Variants in LRFN5 observed in about 807,000 individuals in gnomAD.
LRFN5 encodes leucine rich repeat and fibronectin type III domain containing 5.
Under a neutral mutation model 45.6 loss-of-function variants are expected in LRFN5, and 24 were observed. That is an observed-to-expected ratio of 0.53 (90% CI 0.38 to 0.74). LRFN5 has a LOEUF of 0.74. Ranked by LOEUF, LRFN5 falls within the 30% of genes least tolerant of loss-of-function variation. LRFN5 has a pLI of 0.00. For missense variants in LRFN5, 776 were observed against 861.5 expected (o/e 0.90, Z 1.24); for synonymous variants, 340 against 313.8 (o/e 1.08, Z -0.88).
intron 2 of LRFN5, among the ~76,000 whole-genome samples, chr14:41,769,094 A>G (rs1885989474): frequency 6.6e-6 from 1 of 151,754 alleles, no homozygotes; most frequent in South Asian, 2.1e-4. Context: ...AAAAAAAAAC[A>G]GAAAGTAAAC....
intron 2 of LRFN5, among the ~76,000 whole-genome samples, chr14:41,829,002 T>A (rs1218868123): frequency 6.6e-6 from 1 of 151,968 alleles, no homozygotes; most frequent in East Asian, 1.9e-4. Flanking sequence ...TCATTTATCC[T>A]TCTCCCACAT....
chr14:41,750,267 TTATATATATATATATA>T (rs60275061), intron 1 of LRFN5, among the ~76,000 whole-genome samples: 60 of 144,364 alleles, frequency 4.2e-4, no homozygotes, highest in Admixed American at 3.2e-3. Flanking sequence ...GTAACTTTTC[TTATATATATATATATA>T]TATATATATA....
At chr14:41,704,207 G>A (rs73297723) in intron 1 of LRFN5, among the ~76,000 whole-genome samples, 286 of 152,160 alleles carry the variant, frequency 1.9e-3, no homozygotes, top group African/African-American at 6.6e-3. Flanking sequence ...TCTCTAATAT[G>A]GAGGCCATCT....
rs373257380 is a variant in LRFN5, at chr14:41,777,868, T to A, written c.-21+10839T>A. 2.2e-4 allele frequency among the ~76,000 whole-genome samples: 34 copies of A among 151,880 alleles called. No individual in the cohort carries two copies. The East Asian group carries it at 5.8e-3, about 26-fold the overall frequency. ...ATGCTATTGCAGTAATCTGTTTTAA[T>A]TTTTAATGGGTAATGGTGTTTAAAC... On this transcript the variant is annotated intron_variant, in intron 2 of 5. Transcript: ENST00000298119.
intron 1 of LRFN5, among the ~76,000 whole-genome samples, chr14:41,744,940 T>C (rs1213235144): frequency 6.6e-6 from 1 of 152,016 alleles, no homozygotes; most frequent in African/African-American, 2.4e-5. Flanking sequence ...TACACAATAG[T>C]TGGATACTTC....
chr14:41,772,149 C>G (rs1370935690), intron 2 of LRFN5, among the ~76,000 whole-genome samples: 1 of 152,020 alleles, frequency 6.6e-6, no homozygotes, highest in Non-Finnish European at 1.5e-5. Flanking sequence ...TTCAAACAAC[C>G]AGATCTTGCA....
intron 1 of LRFN5, among the ~76,000 whole-genome samples, chr14:41,686,927 TG>T (rs1882149183): frequency 6.6e-6 from 1 of 152,198 alleles, no homozygotes; most frequent in African/African-American, 2.4e-5. Context: ...TTTCTTTTTT[TG>T]TTGTGTCTCT....
intron 2 of LRFN5, among the ~76,000 whole-genome samples, chr14:41,793,967 A>T (rs1231659179): frequency 2.0e-5 from 3 of 152,092 alleles, no homozygotes; most frequent in Non-Finnish European, 4.4e-5. Context: ...TGCAGAAACA[A>T]GGGAGTTATT....
chr14:41,781,608 GAAAGAAAGAGAAAGAA>G lies in LRFN5; in HGVS notation c.-21+14581_-21+14596del, dbSNP rs1299517501. Among the ~76,000 whole-genome samples, 186 of 83,580 alleles carry G rather than the reference GAAAGAAAGAGAAAGAA, an allele frequency of 2.2e-3. 2 individuals carry two copies. Among genetic ancestry groups the G allele is most frequent in the African/African-American group, 0.01 (172 of 16,944 alleles). 54.8% of individuals were successfully genotyped at this position (83,580 alleles called of 152,430 possible). On this transcript the variant is annotated intron_variant, in intron 2 of 5. Coordinates refer to ENST00000298119, the MANE Select transcript of LRFN5 (RefSeq NM_152447.5). ...AGAAAGAAAGAAAGAAAGAAAGAAAGAAAGAAAGAGAAAGAAAGAAAGAAAGGAAAGAAAGAAAGAG... is the reference window on the plus strand; with the variant it reads ...AGAAAGAAAGAAAGAAAGAAAGAAAGAGAAAGAAAGGAAAGAAAGAAAGAG...
At chr14:41,714,908 A>T (rs917256504) in intron 1 of LRFN5, among the ~76,000 whole-genome samples, 83 of 147,034 alleles carry the variant, frequency 5.6e-4, no homozygotes, top group African/African-American at 7.3e-4. Context: ...CTATTTTTTT[A>T]AAAAAAAGTG....
chr14:41,654,934 G>C (rs1880307278), intron 1 of LRFN5, among the ~76,000 whole-genome samples: 1 of 152,040 alleles, frequency 6.6e-6, no homozygotes, highest in African/African-American at 2.4e-5. Flanking sequence ...ACATGGCACA[G>C]GTTTTCTTCA....
chr14:41,752,847 A>T (rs1472348280), intron 1 of LRFN5, among the ~76,000 whole-genome samples: 2 of 152,174 alleles, frequency 1.3e-5, no homozygotes, highest in Admixed American at 6.5e-5. Context: ...GCCCATGCCT[A>T]TGTCCTGAAT....
rs533409854 is a variant in LRFN5, at chr14:41,840,824, G to A, written c.-20-45782G>A. 4.6e-5 allele frequency among the ~76,000 whole-genome samples: 7 copies of A among 151,798 alleles called. No individual in the cohort carries two copies. The South Asian group carries it at 1.0e-3, about 23-fold the overall frequency. On this transcript the variant is annotated intron_variant, in intron 2 of 5. Transcript: ENST00000298119. ...TTGATATTAAATGATTTAATAATGT[G>A]GTATCTATTTGTTGTATAAACCTGA...
intron 2 of LRFN5, among the ~76,000 whole-genome samples, chr14:41,869,825 A>G (rs964648733): frequency 2.6e-5 from 4 of 152,102 alleles, no homozygotes; most frequent in African/African-American, 7.2e-5. Context: ...TGATTCAGTT[A>G]TCTCACACTG....
chr14:41,609,936 G>A (rs1017723427), intron 1 of LRFN5, among the ~76,000 whole-genome samples: 1 of 152,228 alleles, frequency 6.6e-6, no homozygotes, highest in Admixed American at 6.5e-5. Context: ...GCCGATAGCT[G>A]CTCTGCTTGT....
At chr14:41,673,916 C>G (rs1243928542) in intron 1 of LRFN5, among the ~76,000 whole-genome samples, 2 of 148,752 alleles carry the variant, frequency 1.3e-5, no homozygotes, top group African/African-American at 4.9e-5. Context: ...CCACCTCCCT[C>G]CCGGATGGGG....
intron 1 of LRFN5, among the ~76,000 whole-genome samples, chr14:41,632,681 TA>T (rs1199970133): frequency 1.3e-5 from 2 of 152,140 alleles, no homozygotes; most frequent in Non-Finnish European, 2.9e-5. Context: ...GAGTTTGAGT[TA>T]TAAGAAAATA....
intron 2 of LRFN5, among the ~76,000 whole-genome samples, chr14:41,787,927 C>T (rs1432001525): frequency 1.3e-5 from 2 of 151,928 alleles, no homozygotes; most frequent in Non-Finnish European, 2.9e-5. Flanking sequence ...AGAGTGGGCC[C>T]TCCCAATGGA....
intron 1 of LRFN5, among the ~76,000 whole-genome samples, chr14:41,722,155 T>C (rs75693057): frequency 0.061 from 9,271 of 152,152 alleles, 962 homozygotes; most frequent in African/African-American, 0.21. Flanking sequence ...TTTGATCCAG[T>C]CTAGTAATAA....
Sources: allele counts gnomAD v4.1 joint callset (sites outside exome capture counted in the v4.1 genomes callset), GRCh38; gene constraint gnomAD v4.1.1; transcripts MANE v1.5; gene names NCBI Gene and HGNC (gene_info 2026-07-23, HGNC 2026-07-21).